The following PTPRZ1 variants were observed in gnomAD, a reference collection of about 807,000 sequenced individuals.
PTPRZ1 encodes the protein protein tyrosine phosphatase receptor type Z1.
A neutral mutation model predicts 214.1 loss-of-function variants in PTPRZ1; 82 were observed. The ratio of observed to expected loss-of-function variants is 0.38; its 90% CI spans 0.32 to 0.46. PTPRZ1 has a LOEUF of 0.46. PTPRZ1 is among the 20% of genes least tolerant of loss of function. PTPRZ1 has a pLI of 1.00. For synonymous variants in PTPRZ1, 945 were observed against 987.9 expected (o/e 0.96, Z 0.81); for missense variants, 2,603 against 2,748.7 (o/e 0.95, Z 1.19).
chr7:121,969,932 C>G (rs1305941834), intron 3 of PTPRZ1, among the ~76,000 whole-genome samples: 1 of 147,814 alleles, frequency 6.8e-6, no homozygotes. Flanking sequence ...GGCATATCTC[C>G]TAATGCTATC....
chr7:122,034,213 T>A, intron 16 of PTPRZ1, 69 bp from the exon 17 acceptor site: 1 of 1,570,182 alleles, frequency 6.4e-7, no homozygotes, highest in South Asian at 1.1e-5. Flanking sequence ...TTTGTCTTCG[T>A]TATTATATTT....
At chr7:121,917,257 G>A (rs1051885909) in intron 1 of PTPRZ1, among the ~76,000 whole-genome samples, 3 of 152,146 alleles carry the variant, frequency 2.0e-5, no homozygotes, top group Non-Finnish European at 4.4e-5. Flanking sequence ...AATATAGCTA[G>A]GTGCTCGTTA....
chr7:122,039,668 G>T (rs937162197), intron 20 of PTPRZ1, 80 bp downstream of exon 20: 16 of 1,520,638 alleles, frequency 1.1e-5, no homozygotes, highest in Middle Eastern at 1.9e-4. Flanking sequence ...ATAGAACCAA[G>T]AAAGGGTAAA....
At chr7:121,958,623 T>C (rs1392977527) in intron 2 of PTPRZ1, among the ~76,000 whole-genome samples, 2 of 152,180 alleles carry the variant, frequency 1.3e-5, no homozygotes, top group South Asian at 2.1e-4. Flanking sequence ...TGAACTTCCA[T>C]TGAAATTTCC....
chr7:121,970,412 C>T (rs1797201512), intron 3 of PTPRZ1, among the ~76,000 whole-genome samples: 1 of 152,126 alleles, frequency 6.6e-6, no homozygotes, highest in Non-Finnish European at 1.5e-5. Flanking sequence ...GTTTACAGTC[C>T]CACCAACAGT....
chr7:121,925,391 A>T lies in PTPRZ1; in HGVS notation c.59-2765A>T, dbSNP rs956762351. On this transcript the variant is annotated intron_variant, in intron 1 of 29. Coordinates refer to ENST00000393386, the MANE Select transcript of PTPRZ1 (RefSeq NM_002851.3). ...AGCCTAAGATTTCATTTGTAAGTAG[A>T]AAGTGAAACAAAAATGTATGAATAT... Among the ~76,000 whole-genome samples, 11 of 152,242 alleles carry T rather than the reference A, an allele frequency of 7.2e-5. No individual in the cohort carries two copies. In the South Asian group the frequency reaches 2.3e-3, roughly 32 times the overall value.
rs1286738616 is a variant in PTPRZ1, at chr7:121,997,903, A to T, written c.1137A>T (p.Leu379=). ...AGGGTGCTATTCTCAATAATTTGCTACCCAATATGAGTTATGTTCTTCAGA... is the reference window on the plus strand; with the variant it reads ...AGGGTGCTATTCTCAATAATTTGCTTCCCAATATGAGTTATGTTCTTCAGA... ...QDLGAILNNL[L]PNMSYVLQIV... The change falls in exon 10 of 30, where the codon CTA becomes CTT. Residue 379 remains leucine, a synonymous_variant. Transcript: ENST00000393386. 6.2e-7 allele frequency: 1 copy of T among 1,608,886 alleles called. No individual in the cohort carries two copies. Among genetic ancestry groups the T allele is most frequent in the Non-Finnish European group, 8.5e-7 (1 of 1,176,010 alleles).
chr7:121,936,620 C>T (rs115803788), intron 2 of PTPRZ1, among the ~76,000 whole-genome samples: 2,048 of 152,192 alleles, frequency 0.013, 38 homozygotes, highest in African/African-American at 0.047. Flanking sequence ...AGAAACACAT[C>T]GAGGTTTGGG....
In PTPRZ1 at chr7:121,873,413, CA is replaced by C. The variant is rs373553794; in HGVS notation, c.-79del. 68 of 1,382,916 alleles carry C rather than the reference CA, an allele frequency of 4.9e-5. No homozygotes were observed. The highest frequency in any genetic ancestry group is 5.8e-5 in the African/African-American group (4 of 68,890). 85.7% of individuals were successfully genotyped at this position (1,382,916 alleles called of 1,614,324 possible). ...ACACTGGAGGATTAAAACAAACAAA[CA>C]AAAAAAACATTTCCTTCGCTCCCCC... On this transcript the variant is annotated 5_prime_UTR_variant, in exon 1 of 30. Coordinates refer to ENST00000393386, the MANE Select transcript of PTPRZ1 (RefSeq NM_002851.3).
chr7:122,013,161 G>T lies in PTPRZ1; in HGVS notation c.4115G>T (p.Gly1372Val), dbSNP rs561243552. Residue 1372 changes from glycine (G) to valine (V), a missense_variant, in exon 12 of 30, where the codon GGG becomes GTG. Transcript: ENST00000393386. ...GATCATTCTGTTCCTATAGGAAATGGGCATGTTGCCATTACAGCTGTTTCT... is the reference window on the plus strand; with the variant it reads ...GATCATTCTGTTCCTATAGGAAATGTGCATGTTGCCATTACAGCTGTTTCT... Reference protein sequence around the residue: ...STDHSVPIGNGHVAITAVSPH... With the variant: ...STDHSVPIGNVHVAITAVSPH... 7 of 1,613,992 alleles carry T rather than the reference G, an allele frequency of 4.3e-6. No homozygotes were observed. In the South Asian group the frequency reaches 7.7e-5, roughly 18 times the overall value.
intron 1 of PTPRZ1, among the ~76,000 whole-genome samples, chr7:121,926,993 C>A (rs1184314212): frequency 2.0e-5 from 3 of 151,958 alleles, no homozygotes; most frequent in Admixed American, 2.0e-4. Context: ...GCTGGCCTGC[C>A]TTTTAGTTTT....
chr7:121,976,998 A>G, intron 6 of PTPRZ1, 147 bp downstream of exon 6: 1 of 519,492 alleles, frequency 1.9e-6, no homozygotes, highest in Non-Finnish European at 3.3e-6. Context: ...ACACTTGATA[A>G]TTTATACATT....
At chr7:121,882,379 G>A (rs1274959447) in intron 1 of PTPRZ1, among the ~76,000 whole-genome samples, 1 of 152,168 alleles carries the variant, frequency 6.6e-6, no homozygotes, top group African/African-American at 2.4e-5. Flanking sequence ...TAGGAGATGG[G>A]ATTGGATATA....
At chr7:121,936,275 A>G (rs537668383) in intron 2 of PTPRZ1, among the ~76,000 whole-genome samples, 1 of 152,346 alleles carries the variant, frequency 6.6e-6, no homozygotes, top group South Asian at 2.1e-4. Flanking sequence ...GCATATTTTA[A>G]TGACTGAGGC....
intron 1 of PTPRZ1, among the ~76,000 whole-genome samples, chr7:121,914,262 T>C (rs1179841742): frequency 6.6e-6 from 1 of 152,252 alleles, no homozygotes; most frequent in Non-Finnish European, 1.5e-5. Context: ...CACTGGTTTA[T>C]GATTACTTGA....
chr7:122,002,817 C>T (rs986595741), intron 10 of PTPRZ1, among the ~76,000 whole-genome samples: 2 of 152,106 alleles, frequency 1.3e-5, no homozygotes, highest in Non-Finnish European at 2.9e-5. Flanking sequence ...GAAAAGCCTA[C>T]AGTATGTGTA....
At chr7:121,940,228 G>T (rs1173350178) in intron 2 of PTPRZ1, among the ~76,000 whole-genome samples, 1 of 152,062 alleles carries the variant, frequency 6.6e-6, no homozygotes, top group African/African-American at 2.4e-5. Context: ...GAGATGTTAG[G>T]CATGATTTTA....
intron 23 of PTPRZ1, 71 bp downstream of exon 23, chr7:122,044,639 G>C (rs1290640632): frequency 3.8e-5 from 58 of 1,511,508 alleles, no homozygotes; most frequent in Non-Finnish European, 5.2e-5. Context: ...CATTTGAGTT[G>C]ACAGGGTCAC....
chr7:122,033,674 A>G (rs937382968), intron 15 of PTPRZ1, among the ~76,000 whole-genome samples: 12 of 152,074 alleles, frequency 7.9e-5, no homozygotes, highest in Non-Finnish European at 1.5e-4. Flanking sequence ...TACTTTTTAA[A>G]GTAACCCCCC....
Sources: gnomAD v4.1 joint callset for allele counts (sites outside exome capture counted in the v4.1 genomes callset) on GRCh38, gnomAD v4.1.1 for gene constraint, MANE v1.5 for transcripts, NCBI Gene and HGNC (gene_info 2026-07-23, HGNC 2026-07-21) for gene names.